Variants in SEMA3G observed in about 807,000 individuals in gnomAD.
The protein encoded by SEMA3G is semaphorin 3G.
A neutral mutation model predicts 86.2 loss-of-function variants in SEMA3G; 70 were observed. The ratio of observed to expected loss-of-function variants is 0.81; its 90% CI spans 0.67 to 0.99. SEMA3G has a LOEUF of 0.99. SEMA3G is among the 50% of genes least tolerant of loss of function. The probability of loss-of-function intolerance (pLI) is 0.00; values close to 1 mark genes in which losing one functional copy is unlikely to be tolerated. For synonymous variants in SEMA3G, 416 were observed against 441.4 expected (o/e 0.94, Z 0.72); for missense variants, 1,002 against 1,072.4 (o/e 0.93, Z 0.92).
intron 9 of SEMA3G, 113 bp from the exon 10 acceptor site, chr3:52,440,634 C>A: frequency 6.8e-7 from 1 of 1,469,470 alleles, no homozygotes; most frequent in Non-Finnish European, 9.3e-7. Flanking sequence ...AGCAGAGACT[C>A]CGAAAAGCAA....
At chr3:52,437,429 C>G (rs1374998567) in intron 15 of SEMA3G, 98 bp downstream of exon 15, 1 of 1,281,210 alleles carries the variant, frequency 7.8e-7, no homozygotes, top group East Asian at 2.3e-5. Flanking sequence ...TTGGCAGATT[C>G]CCCCCAGAAC....
rs1413500268 is a variant in SEMA3G at position 52,440,747 on chromosome 3, T to C, written c.998+7A>G. The C allele has an allele frequency of 2.5e-6, 4 of 1,610,696 alleles. No homozygotes were observed. The highest frequency in any genetic ancestry group is 1.3e-5 in the African/African-American group (1 of 74,904). On this transcript the variant is annotated splice_region_variant and intron_variant, in intron 9 of 15. Transcript: ENST00000231721. ...CATCGCAAGGCCGGGGTGCTGGGTG[T>C]GCCCACCTGACGGTGCTGAACAGCG...
Position 52,438,920 on chromosome 3 carries a change from C to G in SEMA3G, c.1509G>C (p.Arg503Ser), listed in dbSNP as rs757381193. Residue 503 changes from arginine (R) to serine (S), a missense_variant and splice_region_variant, in exon 13 of 16, where the codon AGG (arginine) becomes AGC (serine). Coordinates refer to ENST00000231721, the MANE Select transcript of SEMA3G (RefSeq NM_020163.3). ...PITEMEISVK[R>S]QMLYVGSRLG... ...AGAGGAGGGTGGCAGCTGTTCTTAC[C>G]CTTTTGACAGAGATCTCCATTTCGG... 1.2e-5 allele frequency: 20 copies of G among 1,613,258 alleles called. No homozygotes were observed. The South Asian group carries it at 1.8e-4, about 14-fold the overall frequency.
In SEMA3G at chr3:52,440,754, C is replaced by G; in HGVS notation, c.998G>C (p.Ser333Thr). The G allele has an allele frequency of 6.2e-7, 1 of 1,611,748 alleles. No individual in the cohort carries two copies. Among genetic ancestry groups the G allele is most frequent in the Non-Finnish European group, 8.5e-7 (1 of 1,179,092 alleles). The change falls in exon 9 of 16, where the codon AGT (serine) becomes ACT (threonine). Residue 333 changes from serine (S) to threonine (T), a missense_variant and splice_region_variant. Physicochemically the swap from Ser to Thr is moderately conservative, Grantham distance 58. Coordinates refer to ENST00000231721, the MANE Select transcript of SEMA3G (RefSeq NM_020163.3). ...LEVYALFSTV[S>T]AVFQGFAVCV... ...AGGCCGGGGTGCTGGGTGTGCCCAC[C>G]TGACGGTGCTGAACAGCGCGTACAC...
Position 52,433,189 on chromosome 3 carries a change from T to G in SEMA3G, c.*2414A>C, listed in dbSNP as rs921347353. The G allele has an allele frequency of 6.6e-6, 1 of 152,204 alleles. No homozygotes were observed. The highest frequency in any genetic ancestry group is 1.5e-5 in the Non-Finnish European group (1 of 68,048). The allele number at this position is 152,204 out of a possible 1,614,324, so 9.4% of individuals were successfully genotyped here. ...CTTTCTTTAAGTCCTTTTCCAGCTC[T>G]AAAACCTGTTTGGGAAATCATGAAA... On this transcript the variant is annotated 3_prime_UTR_variant, in exon 16 of 16. Coordinates refer to ENST00000231721, the MANE Select transcript of SEMA3G (RefSeq NM_020163.3).
intron 1 of SEMA3G, among the ~76,000 whole-genome samples, chr3:52,444,595 CAG>C (rs1178098939): frequency 5.3e-5 from 8 of 150,714 alleles, no homozygotes; most frequent in African/African-American, 1.5e-4. Context: ...CGCACCCAAA[CAG>C]GGCACACGCA....
intron 15 of SEMA3G, 88 bp downstream of exon 15, chr3:52,437,439 C>T (rs1706065561): frequency 5.1e-6 from 7 of 1,365,780 alleles, no homozygotes; most frequent in Non-Finnish European, 7.0e-6. Flanking sequence ...CCCCCCAGAA[C>T]CCCTTTCTGG....
At position 52,442,961 on chromosome 3, in the gene SEMA3G, A is replaced by T; in HGVS notation, c.116-54T>A. Reference sequence around the variant, plus strand: ...GGGCCACAGCTCAGCCTAGTTCCCCAGCCAAGGAGTGGAGGTGGAGGCCCC... The same window carrying T: ...GGGCCACAGCTCAGCCTAGTTCCCCTGCCAAGGAGTGGAGGTGGAGGCCCC... On this transcript the variant is annotated intron_variant, in intron 1 of 15. Transcript: ENST00000231721. The surrounding 1 kb of genome is among the most constrained non-coding windows in gnomAD (Gnocchi z 6.1). 1 of 1,554,310 alleles carries T rather than the reference A, an allele frequency of 6.4e-7. No individual in the cohort carries two copies.
intron 10 of SEMA3G, 76 bp from the exon 11 acceptor site, chr3:52,440,174 C>A (rs1289018625): frequency 2.3e-6 from 3 of 1,329,144 alleles, no homozygotes; most frequent in East Asian, 4.9e-5. Context: ...CTGTTTCCAC[C>A]CCAACCAGGG....
chr3:52,441,386 G>A lies in SEMA3G; in HGVS notation c.691C>T (p.Arg231Trp), dbSNP rs202199274. The A allele has an allele frequency of 7.4e-6, 12 of 1,613,826 alleles. No homozygotes were observed. The highest frequency in any genetic ancestry group is 4.0e-5 in the African/African-American group (3 of 75,044). The change falls in exon 7 of 16, where the codon CGG becomes TGG. Residue 231 changes from arginine to tryptophan, a missense_variant. Physicochemically the swap from Arg to Trp is moderately radical, Grantham distance 101. Transcript: ENST00000231721. Reference sequence around the variant, plus strand: ...TCCTGGTCAGAGTTCTCAGGGATCCGGGCGGCCATCACAAACCGGGGGTCT... The same window carrying A: ...TCCTGGTCAGAGTTCTCAGGGATCCAGGCGGCCATCACAAACCGGGGGTCT... ...LHDPRFVMAA[R>W]IPENSDQDND...
At chr3:52,444,844 GCACCCAAACAGAGCGCACA>G (rs1163528463) in intron 1 of SEMA3G, 50 bp downstream of exon 1, 1 of 1,184,542 alleles carries the variant, frequency 8.4e-7, no homozygotes, top group East Asian at 3.2e-5. Context: ...CACGGCACAT[GCACCCAAACAGAGCGCACA>G]CACACAAACA....
rs1369640057 is a variant in SEMA3G, at chr3:52,435,853, G to A, written c.2099C>T (p.Ser700Phe). 4 of 1,613,980 alleles carry A rather than the reference G, an allele frequency of 2.5e-6. No homozygotes were observed. The highest frequency in any genetic ancestry group is 3.4e-6 in the Non-Finnish European group (4 of 1,180,034). ...EEPPARGGLA[S>F]TPPKAWYKDI... is the part of the protein sequence containing the mutation. ...CTTGTACCAGGCCTTGGGTGGGGTGGAAGCCAGGCCTCCCCGGGCTGGGGG... is the reference window on the plus strand; with the variant it reads ...CTTGTACCAGGCCTTGGGTGGGGTGAAAGCCAGGCCTCCCCGGGCTGGGGG... Residue 700 changes from serine to phenylalanine, a missense_variant, in exon 16 of 16, where the codon TCC (serine) becomes TTC (phenylalanine). Physicochemically the swap from Ser to Phe is radical, Grantham distance 155. Coordinates refer to ENST00000231721, the MANE Select transcript of SEMA3G (RefSeq NM_020163.3).
In SEMA3G at chr3:52,437,598, A is replaced by G; in HGVS notation, c.1807T>C (p.Cys603Arg). The change falls in exon 15 of 16, where the codon TGC (cysteine) becomes CGC (arginine). Residue 603 changes from cysteine to arginine, a missense_variant. Cys to Arg is a radical substitution (Grantham distance 180). Transcript: ENST00000231721. The stretch of plus-strand genomic sequence containing the variant: ...GCAGCCTGGGGAGACTTGGGCAGGC[A>G]CTCCAGGAAGGTGCTATTGTGCTCC... ...GTEHNSTFLE[C>R]LPKSPQAAVR... is the part of the protein sequence containing the mutation. The G allele has an allele frequency of 1.9e-6, 3 of 1,613,028 alleles. No individual in the cohort carries two copies. The highest frequency in any genetic ancestry group is 2.5e-6 in the Non-Finnish European group (3 of 1,179,896).
chr3:52,439,833 C>T (rs1296281326), intron 11 of SEMA3G, 34 bp downstream of exon 11: 1 of 1,611,494 alleles, frequency 6.2e-7, no homozygotes, highest in Admixed American at 1.7e-5. Context: ...CCACACCCCT[C>T]TCCAGCCTGG....
intron 15 of SEMA3G, among the ~76,000 whole-genome samples, chr3:52,436,967 A>G (rs781714293): frequency 6.6e-6 from 1 of 152,112 alleles, no homozygotes; most frequent in Non-Finnish European, 1.5e-5. Flanking sequence ...CCCAGACTTA[A>G]ACCATCCCTG....
chr3:52,439,969 G>A lies in SEMA3G; in HGVS notation c.1273C>T (p.Pro425Ser). ...GCCAGGTGGGTCTTGACAAGGACAG[G>A]GCGGCCATGTCGAGGCCGCACAGGC... Reference protein sequence around the residue: ...FWPVRPRHGRPVLVKTHLAQQ... With the variant: ...FWPVRPRHGRSVLVKTHLAQQ... The change falls in exon 11 of 16, where the codon CCT (proline) becomes TCT (serine). Residue 425 changes from proline to serine, a missense_variant. By Grantham distance (74) the Pro-to-Ser change is moderately conservative. Transcript: ENST00000231721. 1 of 1,613,768 alleles carries A rather than the reference G, an allele frequency of 6.2e-7. No individual in the cohort carries two copies. Among genetic ancestry groups the A allele is most frequent in the Non-Finnish European group, 8.5e-7 (1 of 1,179,982 alleles).
chr3:52,440,828 G>A lies in SEMA3G; in HGVS notation c.929-5C>T, dbSNP rs1268681646. On this transcript the variant is annotated splice_region_variant and splice_polypyrimidine_tract_variant and intron_variant, in intron 8 of 15. Coordinates refer to ENST00000231721, the MANE Select transcript of SEMA3G (RefSeq NM_020163.3). ...GCCACAGCAGGAACACATCCTCTGG[G>A]GTAGAGAAAGGAGTATGAGTGTCAT... The A allele has an allele frequency of 3.1e-6, 5 of 1,611,708 alleles. No individual in the cohort carries two copies. The highest frequency in any genetic ancestry group is 1.1e-5 in the South Asian group (1 of 91,052).
chr3:52,440,587 T>G (rs1706133899), intron 9 of SEMA3G, 66 bp from the exon 10 acceptor site: 2 of 1,553,150 alleles, frequency 1.3e-6, no homozygotes, highest in Admixed American at 3.7e-5. Context: ...ACAGCCTGGT[T>G]CCATGGGCAG....
rs1706152537 is a variant in SEMA3G at position 52,441,412 on chromosome 3, G to A, written c.668-3C>T. ...GGCGGCCATCACAAACCGGGGGTCT[G>A]GAAGGGTGACAGGGTCATGCTGGGT... On this transcript the variant is annotated splice_polypyrimidine_tract_variant and splice_region_variant and intron_variant, in intron 6 of 15. Transcript: ENST00000231721. The A allele has an allele frequency of 1.2e-6, 2 of 1,613,304 alleles. No homozygotes were observed. Among genetic ancestry groups the A allele is most frequent in the African/African-American group, 2.7e-5 (2 of 75,048 alleles).
Sources: allele counts gnomAD v4.1 joint callset (sites outside exome capture counted in the v4.1 genomes callset), GRCh38; gene constraint gnomAD v4.1.1; non-coding constraint Gnocchi (gnomAD v3.1); transcripts MANE v1.5; gene names NCBI Gene and HGNC (gene_info 2026-07-23, HGNC 2026-07-21).